RNF38: variants seen among roughly 807,000 people sequenced by gnomAD.
The protein encoded by RNF38 is E3 ubiquitin-protein ligase RNF38.
RNF38 carries 15 observed loss-of-function variants against 67.2 expected under a neutral mutation model. That is an observed-to-expected ratio of 0.22 (90% CI 0.15 to 0.34). RNF38 has a LOEUF of 0.34. Among genes scored for constraint, RNF38 ranks in the 10% least tolerant of loss-of-function variants. The pLI is 1.00. For synonymous variants in RNF38, 220 were observed against 218.8 expected (o/e 1.01, Z -0.05); for missense variants, 524 against 639.9 (o/e 0.82, Z 1.95).
Position 36,376,023 on chromosome 9 carries a change from C to A in RNF38, c.267G>T (p.Met89Ile), listed in dbSNP as rs1349947427. 5 of 1,613,220 alleles carry A rather than the reference C, an allele frequency of 3.1e-6. No homozygotes were observed. Among genetic ancestry groups the A allele is most frequent in the Non-Finnish European group, 4.2e-6 (5 of 1,179,740 alleles). Residue 89 changes from methionine to isoleucine, a missense_variant, in exon 3 of 12, where the codon ATG (methionine) becomes ATT (isoleucine). Met to Ile is a conservative substitution (Grantham distance 10). Around this residue, in one of 2 missense-constraint regions of RNF38, gnomAD observed 461 missense variants for 517.4 expected, o/e 0.89. Transcript: ENST00000259605. ...CTGAAGGGGGCTGCCTATTTGATGT[C>A]ATCTCCCATGGTCGCATTGGTGGTG... ...APSPPMRPWEMTSNRQPPSVR... is the reference protein window; with the variant it reads ...APSPPMRPWEITSNRQPPSVR...
intron 2 of RNF38, among the ~76,000 whole-genome samples, chr9:36,409,330 A>T (rs1340821332): frequency 6.6e-6 from 1 of 151,182 alleles, no homozygotes; most frequent in Non-Finnish European, 1.5e-5. Context: ...AAAGAAAAAG[A>T]AAGAAAGAAA....
intron 4 of RNF38, among the ~76,000 whole-genome samples, chr9:36,366,597 A>G (rs1834984818): frequency 6.6e-6 from 1 of 152,218 alleles, no homozygotes; most frequent in Non-Finnish European, 1.5e-5. Context: ...GACTGCAAAT[A>G]TTGATGGTGT....
At chr9:36,475,286 T>C (rs1358329471) in intron 1 of RNF38, among the ~76,000 whole-genome samples, 1 of 152,182 alleles carries the variant, frequency 6.6e-6, no homozygotes, top group African/African-American at 2.4e-5. Flanking sequence ...AAATCCTCAC[T>C]GTGTCTAGTA....
chr9:36,340,787 C>T (rs942793561), intron 11 of RNF38, among the ~76,000 whole-genome samples: 3 of 152,144 alleles, frequency 2.0e-5, no homozygotes, highest in Non-Finnish European at 4.4e-5. Context: ...CTCACCTGTT[C>T]CCTGGCTCCT....
At chr9:36,415,214 A>G (rs548246355) in intron 2 of RNF38, among the ~76,000 whole-genome samples, 50 of 152,186 alleles carry the variant, frequency 3.3e-4, no homozygotes, top group African/African-American at 1.2e-3. Context: ...ATAATCTCAA[A>G]CTTATTGGAG....
Position 36,339,539 on chromosome 9 carries a change from G to A in RNF38, c.*213C>T, listed in dbSNP as rs1330604872. Reference sequence around the variant, plus strand: ...AAATTAAGCTAAAGAAAAAGTCTTTGGAGTTCCAATCACACGGTTAGTATA... The same window carrying A: ...AAATTAAGCTAAAGAAAAAGTCTTTAGAGTTCCAATCACACGGTTAGTATA... On this transcript the variant is annotated 3_prime_UTR_variant, in exon 12 of 12. Coordinates refer to ENST00000259605, the MANE Select transcript of RNF38 (RefSeq NM_022781.5). 1.2e-5 allele frequency: 6 copies of A among 484,570 alleles called. No individual in the cohort carries two copies. The highest frequency in any genetic ancestry group is 4.1e-5 in the South Asian group (1 of 24,644). 30.0% of individuals were successfully genotyped at this position (484,570 alleles called of 1,614,324 possible). A position where few individuals can be genotyped will look rare whatever the true frequency, so the allele number is the denominator to read the frequency against.
chr9:36,380,545 T>A (rs1478542555), intron 2 of RNF38, among the ~76,000 whole-genome samples: 6 of 151,026 alleles, frequency 4.0e-5, no homozygotes, highest in African/African-American at 1.5e-4. Flanking sequence ...GAGGCTGGAG[T>A]GCAGTGGCAC....
rs190624884 is a variant in RNF38, at chr9:36,345,024, G to A, written c.1264-71C>T. 4.7e-6 allele frequency: 7 copies of A among 1,491,658 alleles called. No homozygotes were observed. In the Admixed American group the frequency reaches 7.4e-5, roughly 16 times the overall value. The allele number at this position is 1,491,658 out of a possible 1,614,324, so 92.4% of individuals were successfully genotyped here. A position where few individuals can be genotyped will look rare whatever the true frequency, so the allele number is the denominator to read the frequency against. ...GCATTCCAATACTTTTTTTTTTTAA[G>A]AGATGGAGTCCTGCTATGTTGCCCA... On this transcript the variant is annotated intron_variant, in intron 9 of 11. Coordinates refer to ENST00000259605, the MANE Select transcript of RNF38 (RefSeq NM_022781.5).
intron 2 of RNF38, among the ~76,000 whole-genome samples, chr9:36,386,031 T>C (rs1350684366): frequency 6.6e-6 from 1 of 152,246 alleles, no homozygotes; most frequent in East Asian, 1.9e-4. Flanking sequence ...GTGATTTTTA[T>C]GCTACCAGAA....
chr9:36,472,263 A>C (rs1840015551), intron 1 of RNF38, among the ~76,000 whole-genome samples: 3 of 152,236 alleles, frequency 2.0e-5, no homozygotes, highest in African/African-American at 7.2e-5. Context: ...TGGATTAATC[A>C]GCTTTTATCC....
At chr9:36,377,491 T>C (rs903452951) in intron 2 of RNF38, among the ~76,000 whole-genome samples, 19 of 152,200 alleles carry the variant, frequency 1.2e-4, no homozygotes, top group Admixed American at 3.9e-4. Flanking sequence ...AACCATGTCA[T>C]TTCCCTTCTA....
At chr9:36,446,771 G>A (rs570360577) in intron 1 of RNF38, among the ~76,000 whole-genome samples, 68 of 123,828 alleles carry the variant, frequency 5.5e-4, no homozygotes, top group African/African-American at 2.0e-3. Context: ...TTGCACCACT[G>A]CACTTCAGCC....
At position 36,358,861 on chromosome 9, in the gene RNF38, A is replaced by G. The variant is rs1480259182; in HGVS notation, c.571-919T>C. ...CCCGTCTCTACTAAAAATACAAAAA[A>G]TTAGCTGGGAGTGGTGGCGGGTGCC... On this transcript the variant is annotated intron_variant, in intron 4 of 11. Coordinates refer to ENST00000259605, the MANE Select transcript of RNF38 (RefSeq NM_022781.5). Among the ~76,000 whole-genome samples, 4 of 152,290 alleles carry G rather than the reference A, an allele frequency of 2.6e-5. No individual in the cohort carries two copies. The East Asian group carries it at 7.7e-4, about 29-fold the overall frequency.
intron 1 of RNF38, among the ~76,000 whole-genome samples, chr9:36,453,894 AT>A (rs1037276096): frequency 6.6e-6 from 1 of 152,222 alleles, no homozygotes; most frequent in Non-Finnish European, 1.5e-5. Flanking sequence ...ATACTGAAAT[AT>A]TTATAGATAA....
chr9:36,368,043 G>T (rs898613621), intron 4 of RNF38, among the ~76,000 whole-genome samples: 1 of 152,076 alleles, frequency 6.6e-6, no homozygotes, highest in East Asian at 1.9e-4. Flanking sequence ...AGTAGAGACG[G>T]GGTTTCACCA....
chr9:36,415,282 T>G (rs1442968842), intron 2 of RNF38, among the ~76,000 whole-genome samples: 1 of 152,252 alleles, frequency 6.6e-6, no homozygotes. Flanking sequence ...GCCTTATCTT[T>G]GAGCCCTCAA....
chr9:36,450,640 C>T (rs187561460), intron 1 of RNF38, among the ~76,000 whole-genome samples: 5 of 152,224 alleles, frequency 3.3e-5, no homozygotes, highest in East Asian at 3.9e-4. Flanking sequence ...TAGAGCCAGG[C>T]GCAGTGGCTC....
chr9:36,345,836 T>G (rs1163969285), intron 9 of RNF38, among the ~76,000 whole-genome samples: 2 of 152,206 alleles, frequency 1.3e-5, no homozygotes, highest in East Asian at 3.8e-4. Flanking sequence ...GTTAATGAGC[T>G]GTAGAAATTC....
intron 2 of RNF38, among the ~76,000 whole-genome samples, chr9:36,413,876 T>C (rs1838392874): frequency 6.6e-6 from 1 of 152,228 alleles, no homozygotes; most frequent in South Asian, 2.1e-4. Flanking sequence ...GCTGCTGTTT[T>C]CTAGTAGCAA....
Sources: gnomAD v4.1 joint callset for allele counts (sites outside exome capture counted in the v4.1 genomes callset) on GRCh38, gnomAD v4.1.1 for gene constraint, gnomAD v4.1.1 regional missense constraint, MANE v1.5 for transcripts, NCBI Gene and HGNC (gene_info 2026-07-23, HGNC 2026-07-21) for gene names.